The following ARHGEF33 variants were observed in gnomAD, a reference collection of about 807,000 sequenced individuals.
The protein encoded by ARHGEF33 is DH and coiled-coil domain-containing protein ENSP00000381780.
In ARHGEF33, 72 loss-of-function variants were observed where a neutral mutation model predicts 101.9. That is an observed-to-expected ratio of 0.71 (90% CI 0.58 to 0.86). The LOEUF (loss-of-function observed/expected upper bound fraction) is 0.86. Among genes scored for constraint, ARHGEF33 ranks in the 40% least tolerant of loss-of-function variants. The pLI, the probability that ARHGEF33 is intolerant of heterozygous loss-of-function variation, is 0.00. For synonymous variants in ARHGEF33, 499 were observed against 442.5 expected (o/e 1.13, Z -1.60); for missense variants, 1,169 against 1,111.3 (o/e 1.05, Z -0.74).
At chr2:38,911,113 C>T (rs1572743592) in intron 2 of ARHGEF33, among the ~76,000 whole-genome samples, 1 of 152,026 alleles carries the variant, frequency 6.6e-6, no homozygotes, top group Non-Finnish European at 1.5e-5. Context: ...CAGGGTGTTA[C>T]TGTCACAAAA....
chr2:38,927,990 G>A (rs1471333669), intron 4 of ARHGEF33, among the ~76,000 whole-genome samples: 1 of 152,184 alleles, frequency 6.6e-6, no homozygotes, highest in Non-Finnish European at 1.5e-5. Context: ...GGAGAAGAAT[G>A]AACGTTTCTT....
chr2:38,936,675 C>T (rs536957332), intron 8 of ARHGEF33, among the ~76,000 whole-genome samples: 24 of 152,004 alleles, frequency 1.6e-4, no homozygotes, highest in African/African-American at 4.1e-4. Flanking sequence ...GAGGCAGATT[C>T]GTTAAGAGTT....
chr2:38,891,136 G>T (rs894296818), intron 1 of ARHGEF33, among the ~76,000 whole-genome samples: 1 of 151,968 alleles, frequency 6.6e-6, no homozygotes, highest in Non-Finnish European at 1.5e-5. Context: ...GTTTCGTCAT[G>T]TTGCTCAGGT....
chr2:38,953,323 C>T (rs1572772778), intron 12 of ARHGEF33, 78 bp downstream of exon 12: 1 of 844,812 alleles, frequency 1.2e-6, no homozygotes. Context: ...CCAGTCAATA[C>T]AGCGCATGCA....
chr2:38,956,476 T>C (rs977504937), intron 13 of ARHGEF33, among the ~76,000 whole-genome samples: 7 of 152,230 alleles, frequency 4.6e-5, no homozygotes, highest in African/African-American at 1.7e-4. Context: ...GCGGGGAATG[T>C]AACAGAAGGG....
chr2:38,904,780 A>G (rs988138291), intron 2 of ARHGEF33, among the ~76,000 whole-genome samples: 1 of 152,162 alleles, frequency 6.6e-6, no homozygotes, highest in Non-Finnish European at 1.5e-5. Flanking sequence ...GGAACAAAAG[A>G]TCATGTAAGT....
chr2:38,912,449 G>A (rs931169381), intron 2 of ARHGEF33, among the ~76,000 whole-genome samples: 8 of 152,086 alleles, frequency 5.3e-5, no homozygotes, highest in African/African-American at 1.4e-4. Flanking sequence ...GTGTAATCCT[G>A]TTATTAAGCT....
intron 7 of ARHGEF33, 145 bp from the exon 8 acceptor site, chr2:38,935,630 C>T (rs1667110455): frequency 1.7e-6 from 1 of 587,432 alleles, no homozygotes; most frequent in Admixed American, 3.2e-5. Flanking sequence ...ACTTGCCACA[C>T]TATACTGTAA....
intron 9 of ARHGEF33, among the ~76,000 whole-genome samples, chr2:38,939,843 G>T (rs542093755): frequency 3.9e-5 from 6 of 152,154 alleles, no homozygotes; most frequent in Non-Finnish European, 8.8e-5. Flanking sequence ...AAAATAGCTC[G>T]TGACTTTCTT....
intron 1 of ARHGEF33, among the ~76,000 whole-genome samples, chr2:38,893,232 G>C (rs1221349958): frequency 6.6e-6 from 1 of 150,718 alleles, no homozygotes; most frequent in Non-Finnish European, 1.5e-5. Context: ...GCACAGTCTT[G>C]GCTCACTGCA....
At chr2:38,918,811 T>C (rs1021579763) in intron 2 of ARHGEF33, among the ~76,000 whole-genome samples, 4 of 150,626 alleles carry the variant, frequency 2.7e-5, no homozygotes, top group African/African-American at 9.8e-5. Flanking sequence ...GAGGCCGAGG[T>C]TGGAGGATCA....
intron 1 of ARHGEF33, among the ~76,000 whole-genome samples, chr2:38,893,589 T>G (rs1666054700): frequency 6.6e-6 from 1 of 152,246 alleles, no homozygotes; most frequent in South Asian, 2.1e-4. Context: ...TTAGGCACTT[T>G]ACACTTTTCT....
intron 7 of ARHGEF33, among the ~76,000 whole-genome samples, chr2:38,933,255 C>G (rs571313974): frequency 1.3e-5 from 2 of 152,190 alleles, no homozygotes; most frequent in Non-Finnish European, 2.9e-5. Flanking sequence ...TGGTTATTGG[C>G]AGGCTCCAGT....
At chr2:38,938,430 A>G (rs916005883) in intron 9 of ARHGEF33, among the ~76,000 whole-genome samples, 1 of 152,188 alleles carries the variant, frequency 6.6e-6, no homozygotes, top group African/African-American at 2.4e-5. Flanking sequence ...TCTCCGCTAC[A>G]TGGGAGTCCA....
intron 9 of ARHGEF33, among the ~76,000 whole-genome samples, chr2:38,941,707 C>G (rs1667312806): frequency 6.6e-6 from 1 of 152,056 alleles, no homozygotes; most frequent in Non-Finnish European, 1.5e-5. Flanking sequence ...ACCACCACAC[C>G]TGGCTAATTT....
intron 2 of ARHGEF33, among the ~76,000 whole-genome samples, chr2:38,911,444 A>G (rs1273979225): frequency 6.6e-6 from 1 of 152,226 alleles, no homozygotes; most frequent in Non-Finnish European, 1.5e-5. Context: ...TTTCTGTCAC[A>G]GCAGTAATTG....
At position 38,959,891 on chromosome 2, in the gene ARHGEF33, A is replaced by T. The variant is rs1193511090; in HGVS notation, c.1586A>T (p.Glu529Val). The change falls in exon 16 of 18, where the codon GAG becomes GTG. Residue 529 changes from glutamate to valine, a missense_variant. Glu to Val is a moderately radical substitution (Grantham distance 121). Transcript: ENST00000409978. ...AGCCAACAGCAGCAAAGCCTGATGGAGAGCATGCAGCCCGGGAAGCCCAGT... is the reference window on the plus strand; with the variant it reads ...AGCCAACAGCAGCAAAGCCTGATGGTGAGCATGCAGCCCGGGAAGCCCAGT... ...KKSQQQQSLM[E>V]SMQPGKPSDW... The T allele has an allele frequency of 6.4e-7, 1 of 1,551,840 alleles. No individual in the cohort carries two copies.
At chr2:38,894,013 A>G (rs1666065338) in intron 1 of ARHGEF33, among the ~76,000 whole-genome samples, 1 of 152,154 alleles carries the variant, frequency 6.6e-6, no homozygotes, top group Admixed American at 6.5e-5. Flanking sequence ...GAAATATAAG[A>G]AAACTTTCCA....
intron 10 of ARHGEF33, among the ~76,000 whole-genome samples, chr2:38,944,809 C>G (rs1667400059): frequency 6.6e-6 from 1 of 151,710 alleles, no homozygotes; most frequent in Non-Finnish European, 1.5e-5. Context: ...TGACACAGGG[C>G]TGATATAACT....
Sources: allele counts gnomAD v4.1 joint callset (sites outside exome capture counted in the v4.1 genomes callset), GRCh38; gene constraint gnomAD v4.1.1; transcripts MANE v1.5; gene names NCBI Gene and HGNC (gene_info 2026-07-23, HGNC 2026-07-21).